GRM7: variants seen among roughly 807,000 people sequenced by gnomAD.
GRM7 encodes the protein metabotropic glutamate receptor 7.
A neutral mutation model predicts 84.5 loss-of-function variants in GRM7; 35 were observed. The ratio of observed to expected loss-of-function variants is 0.41; its 90% CI spans 0.32 to 0.55. GRM7 has a LOEUF of 0.55. GRM7 is among the 20% of genes least tolerant of loss of function. The pLI is 0.19. For synonymous variants in GRM7, 487 were observed against 455.1 expected, an observed-to-expected ratio of 1.07 and a Z score of -0.89; for missense variants, 1,003 against 1,194.6, an observed-to-expected ratio of 0.84 and a Z score of 2.36.
rs774419457 is a variant in GRM7, at chr3:7,627,660, C to T, written c.2451+48303C>T. ...CTAGGGCTGCCTTCACAAAGTATTA[C>T]GAACTGGGTGGTGGAAACAACAGAA... On this transcript the variant is annotated intron_variant, in intron 8 of 9. Coordinates refer to ENST00000357716, the MANE Select transcript of GRM7 (RefSeq NM_000844.4). Among the ~76,000 whole-genome samples the T allele has an allele frequency of 1.6e-4, 24 of 152,104 alleles. No individual in the cohort carries two copies. The East Asian group carries it at 1.9e-3, about 12-fold the overall frequency.
intron 4 of GRM7, among the ~76,000 whole-genome samples, chr3:7,355,250 C>G (rs1315611553): frequency 6.6e-6 from 1 of 152,108 alleles, no homozygotes; most frequent in Non-Finnish European, 1.5e-5. Context: ...CCTAGTACGA[C>G]TATTTGGATT....
intron 8 of GRM7, among the ~76,000 whole-genome samples, chr3:7,613,322 T>G (rs1696931991): frequency 6.6e-6 from 1 of 152,216 alleles, no homozygotes; most frequent in Non-Finnish European, 1.5e-5. Context: ...GTCTATGCAT[T>G]CAAAATTCCA....
intron 2 of GRM7, among the ~76,000 whole-genome samples, chr3:7,159,548 C>T (rs1166394445): frequency 6.6e-6 from 1 of 152,136 alleles, no homozygotes; most frequent in East Asian, 1.9e-4. Context: ...TGCTTCCCAC[C>T]TTCCCCCTCT....
chr3:7,458,033 A>G (rs561573913), intron 6 of GRM7, among the ~76,000 whole-genome samples: 4 of 152,300 alleles, frequency 2.6e-5, no homozygotes, highest in South Asian at 4.2e-4. Context: ...AACAAATGCA[A>G]CGTTCCTGGA....
intron 1 of GRM7, among the ~76,000 whole-genome samples, chr3:6,954,060 A>T (rs1357270015): frequency 6.8e-6 from 1 of 146,542 alleles, no homozygotes. Flanking sequence ...CAACAAAAAA[A>T]ATTGGTATAT....
intron 5 of GRM7, among the ~76,000 whole-genome samples, chr3:7,432,814 A>T (rs1009516000): frequency 6.6e-6 from 1 of 152,206 alleles, no homozygotes; most frequent in Non-Finnish European, 1.5e-5. Flanking sequence ...GAACTGGAAC[A>T]TATATCTGAA....
intron 4 of GRM7, among the ~76,000 whole-genome samples, chr3:7,321,533 A>G (rs17047123): frequency 0.15 from 23,339 of 151,884 alleles, 2,018 homozygotes; most frequent in African/African-American, 0.23. Flanking sequence ...TATACAACAA[A>G]CCACAGTAGA....
At chr3:7,512,478 G>C (rs1412011809) in intron 7 of GRM7, among the ~76,000 whole-genome samples, 1 of 152,122 alleles carries the variant, frequency 6.6e-6, no homozygotes, top group East Asian at 1.9e-4. Context: ...GTGTGCAATG[G>C]TAAAATATTT....
intron 8 of GRM7, among the ~76,000 whole-genome samples, chr3:7,582,274 C>A (rs1448089871): frequency 6.6e-6 from 1 of 152,158 alleles, no homozygotes; most frequent in African/African-American, 2.4e-5. Flanking sequence ...AGGTAGGGAA[C>A]ATACAGGCTA....
intron 1 of GRM7, among the ~76,000 whole-genome samples, chr3:6,868,634 G>C (rs544086425): frequency 2.0e-5 from 3 of 152,172 alleles, no homozygotes; most frequent in Admixed American, 2.0e-4. Context: ...ACTTCATTTC[G>C]TTCACTCCAC....
chr3:7,244,895 CATT>C (rs552761339), intron 2 of GRM7, among the ~76,000 whole-genome samples: 107 of 152,024 alleles, frequency 7.0e-4, no homozygotes, highest in African/African-American at 2.5e-3. Flanking sequence ...TAAGCATAAT[CATT>C]ATAACTATGT....
Position 6,945,761 on chromosome 3 carries a change from G to A in GRM7, c.519+83854G>A, listed in dbSNP as rs1470710804. Among the ~76,000 whole-genome samples, 13 of 152,156 alleles carry A rather than the reference G, an allele frequency of 8.5e-5. No homozygotes were observed. The East Asian group carries it at 9.6e-4, about 11-fold the overall frequency. Reference sequence around the variant, plus strand: ...CTTTTTAATGATCGCCATTCTAACCGGTGTGAGATGGTACCTCATTGTGGT... The same window carrying A: ...CTTTTTAATGATCGCCATTCTAACCAGTGTGAGATGGTACCTCATTGTGGT... On this transcript the variant is annotated intron_variant, in intron 1 of 9. Transcript: ENST00000357716.
chr3:7,382,519 T>C (rs1293185742), intron 4 of GRM7, among the ~76,000 whole-genome samples: 3 of 152,204 alleles, frequency 2.0e-5, no homozygotes, highest in Admixed American at 1.3e-4. Context: ...TGACTCATTA[T>C]GGGAATGTAA....
At chr3:7,695,905 G>A (rs1442867363) in intron 9 of GRM7, among the ~76,000 whole-genome samples, 1 of 152,080 alleles carries the variant, frequency 6.6e-6, no homozygotes, top group Admixed American at 6.6e-5. Flanking sequence ...GGATACCTGT[G>A]GCTATTTAAA....
At chr3:7,411,856 T>C (rs536057961) in intron 4 of GRM7, among the ~76,000 whole-genome samples, 1 of 152,284 alleles carries the variant, frequency 6.6e-6, no homozygotes, top group South Asian at 2.1e-4. Flanking sequence ...ATATTAGCAA[T>C]GTTAGTAGAT....
intron 1 of GRM7, among the ~76,000 whole-genome samples, chr3:6,866,946 G>A (rs1207500108): frequency 6.6e-6 from 1 of 152,246 alleles, no homozygotes; most frequent in East Asian, 1.9e-4. Flanking sequence ...TTAAGCTAGG[G>A]AGATGTGATT....
intron 1 of GRM7, among the ~76,000 whole-genome samples, chr3:7,023,074 C>T (rs1365198576): frequency 1.3e-5 from 2 of 151,844 alleles, no homozygotes; most frequent in Admixed American, 6.6e-5. Context: ...CATGAGAAGG[C>T]GAATGGTGGA....
intron 5 of GRM7, among the ~76,000 whole-genome samples, chr3:7,436,605 C>A (rs1697065919): frequency 6.6e-6 from 1 of 152,180 alleles, no homozygotes. Context: ...GCTAAAGCAA[C>A]TCTGAATTCT....
intron 1 of GRM7, among the ~76,000 whole-genome samples, chr3:7,065,855 C>T (rs1461022772): frequency 6.6e-6 from 1 of 151,660 alleles, no homozygotes; most frequent in Non-Finnish European, 1.5e-5. Context: ...TGGAATACAA[C>T]TGGAAATCAA....
Sources: allele counts gnomAD v4.1 joint callset (sites outside exome capture counted in the v4.1 genomes callset), GRCh38; gene constraint gnomAD v4.1.1; transcripts MANE v1.5; gene names NCBI Gene and HGNC (gene_info 2026-07-23, HGNC 2026-07-21).